The following PPP1R9A variants were observed in gnomAD, a reference collection of about 807,000 sequenced individuals.
PPP1R9A encodes neurabin-1.
PPP1R9A carries 59 observed loss-of-function variants against 141.9 expected under a neutral mutation model. The observed-to-expected ratio is 0.42, with a 90% CI of 0.34 to 0.52. The LOEUF is 0.52. Among genes scored for constraint, PPP1R9A ranks in the 20% least tolerant of loss-of-function variants. The pLI, the probability that PPP1R9A is intolerant of heterozygous loss-of-function variation, is 0.10. For synonymous variants in PPP1R9A, 500 were observed against 569.7 expected, an observed-to-expected ratio of 0.88 and a Z score of 1.74; for missense variants, 1,444 against 1,611.9, an observed-to-expected ratio of 0.90 and a Z score of 1.78.
intron 2 of PPP1R9A, among the ~76,000 whole-genome samples, chr7:94,939,851 T>C (rs1584307599): frequency 7.1e-6 from 1 of 141,724 alleles, no homozygotes; most frequent in Non-Finnish European, 1.5e-5. Context: ...CACACACACG[T>C]CCCAGGAGAT....
chr7:95,285,025 G>T (rs1213170305), intron 17 of PPP1R9A, among the ~76,000 whole-genome samples: 1 of 152,170 alleles, frequency 6.6e-6, no homozygotes, highest in Non-Finnish European at 1.5e-5. Flanking sequence ...TTTGACTGGG[G>T]TACCAAATGG....
chr7:95,148,266 AG>A (rs926314389), intron 4 of PPP1R9A, among the ~76,000 whole-genome samples: 1 of 152,200 alleles, frequency 6.6e-6, no homozygotes, highest in African/African-American at 2.4e-5. Context: ...TAACACCAAA[AG>A]CTGGTTCTTA....
intron 2 of PPP1R9A, among the ~76,000 whole-genome samples, chr7:95,082,560 C>T (rs1195010545): frequency 6.6e-6 from 1 of 151,626 alleles, no homozygotes; most frequent in South Asian, 2.1e-4. Flanking sequence ...GGCAACATAG[C>T]GAGACACTGT....
chr7:95,249,104 G>T (rs1798529674), intron 9 of PPP1R9A, among the ~76,000 whole-genome samples: 1 of 152,018 alleles, frequency 6.6e-6, no homozygotes, highest in South Asian at 2.1e-4. Context: ...AGAAATGAGG[G>T]TATTAGACTA....
intron 2 of PPP1R9A, chr7:95,036,688 A>G (rs1808466869): frequency 6.6e-6 from 1 of 152,208 alleles, no homozygotes; most frequent in South Asian, 2.1e-4. Context: ...AGTCGAAAGG[A>G]TGTAGGAAAA....
intron 5 of PPP1R9A, among the ~76,000 whole-genome samples, chr7:95,170,641 A>G (rs770737052): frequency 5.9e-5 from 9 of 151,562 alleles, no homozygotes; most frequent in Non-Finnish European, 1.0e-4. Flanking sequence ...ATAGCTTTCA[A>G]AATTGAAGAT....
chr7:94,919,585 C>CT (rs1276991446), intron 2 of PPP1R9A, among the ~76,000 whole-genome samples: 1 of 152,052 alleles, frequency 6.6e-6, no homozygotes, highest in Non-Finnish European at 1.5e-5. Flanking sequence ...TATATTGTCA[C>CT]TTTCCTTATT....
intron 10 of PPP1R9A, 50 bp from the exon 11 acceptor site, chr7:95,251,712 T>A (rs764023040): frequency 6.6e-7 from 1 of 1,522,490 alleles, no homozygotes; most frequent in Non-Finnish European, 9.0e-7. Context: ...GATAAGAACT[T>A]TCATTTATTG....
At chr7:95,202,364 T>A (rs1037835046) in intron 6 of PPP1R9A, among the ~76,000 whole-genome samples, 6 of 151,838 alleles carry the variant, frequency 4.0e-5, no homozygotes, top group Non-Finnish European at 5.9e-5. Flanking sequence ...TAAAAAAAAA[T>A]GTTAAAATGG....
At chr7:95,265,993 C>A (rs1364355896) in intron 12 of PPP1R9A, among the ~76,000 whole-genome samples, 1 of 152,178 alleles carries the variant, frequency 6.6e-6, no homozygotes, top group Non-Finnish European at 1.5e-5. Context: ...CTGACACAAG[C>A]ACCAGGCAAA....
intron 4 of PPP1R9A, among the ~76,000 whole-genome samples, chr7:95,160,493 C>T (rs1464787309): frequency 1.3e-5 from 2 of 151,660 alleles, no homozygotes; most frequent in Non-Finnish European, 2.9e-5. Context: ...TTGTTTCTAT[C>T]CTTTAAAACA....
At chr7:95,252,613 A>G (rs1029895046) in intron 12 of PPP1R9A, among the ~76,000 whole-genome samples, 2 of 151,710 alleles carry the variant, frequency 1.3e-5, no homozygotes, top group Non-Finnish European at 2.9e-5. Context: ...GACTATAGGC[A>G]TGTGCTACCA....
At chr7:95,141,919 A>G (rs1357888835) in intron 4 of PPP1R9A, among the ~76,000 whole-genome samples, 1 of 152,050 alleles carries the variant, frequency 6.6e-6, no homozygotes, top group Non-Finnish European at 1.5e-5. Context: ...TCATATAATA[A>G]CTATGTTTAG....
At chr7:95,082,934 T>C (rs561756623) in intron 2 of PPP1R9A, among the ~76,000 whole-genome samples, 5 of 151,556 alleles carry the variant, frequency 3.3e-5, no homozygotes, top group Admixed American at 1.3e-4. Flanking sequence ...TTTTTGTATT[T>C]TTAGAAGAGA....
In PPP1R9A at chr7:95,250,976, C is replaced by G. The variant is rs545137586; in HGVS notation, c.2396+721C>G. 1.2e-3 allele frequency among the ~76,000 whole-genome samples: 187 copies of G among 152,078 alleles called. 2 individuals carry two copies. The highest frequency in any genetic ancestry group is 4.3e-3 in the African/African-American group (178 of 41,484). ...TTAGAACAAATAAGTAGTACCAGTA[C>G]CTTTTCTGGTCTTCCATGCCAAGCC... is the stretch of plus-strand genomic sequence containing the variant. On this transcript the variant is annotated intron_variant, in intron 10 of 19. Transcript: ENST00000433360.
At chr7:95,150,342 G>A (rs929704648) in intron 4 of PPP1R9A, among the ~76,000 whole-genome samples, 2 of 152,044 alleles carry the variant, frequency 1.3e-5, no homozygotes, top group African/African-American at 2.4e-5. Context: ...TTGCTCTGTC[G>A]CCCAGGCTGG....
chr7:95,283,872 TGTA>T (rs1804754038), intron 16 of PPP1R9A, 143 bp from the exon 17 acceptor site: 5 of 630,174 alleles, frequency 7.9e-6, no homozygotes, highest in Non-Finnish European at 1.3e-5. Context: ...AGATTAGTGT[TGTA>T]GTCAAAAGTG....
intron 2 of PPP1R9A, among the ~76,000 whole-genome samples, chr7:94,922,206 G>A (rs969383372): frequency 6.6e-6 from 1 of 150,972 alleles, no homozygotes. Flanking sequence ...TGTTATTGCC[G>A]GAATTGTTAT....
intron 2 of PPP1R9A, among the ~76,000 whole-genome samples, chr7:94,966,983 C>T (rs1259797842): frequency 6.6e-6 from 1 of 152,110 alleles, no homozygotes; most frequent in Non-Finnish European, 1.5e-5. Context: ...ATTACTGCCT[C>T]AATTTAGAAC....
Sources: gnomAD v4.1 joint callset for allele counts (sites outside exome capture counted in the v4.1 genomes callset) on GRCh38, gnomAD v4.1.1 for gene constraint, MANE v1.5 for transcripts, NCBI Gene and HGNC (gene_info 2026-07-23, HGNC 2026-07-21) for gene names.